The following GPHN variants were observed in gnomAD, a reference collection of about 807,000 sequenced individuals.
GPHN encodes the protein gephyrin.
GPHN carries 17 observed loss-of-function variants against 95.5 expected under a neutral mutation model. That is an observed-to-expected ratio of 0.18 (90% confidence interval 0.12 to 0.27). GPHN has a LOEUF of 0.27. GPHN is among the 10% of genes least tolerant of loss of function. GPHN has a pLI of 1.00. For missense variants in GPHN, 660 were observed against 978.1 expected, an observed-to-expected ratio of 0.67 and a Z score of 4.34; for synonymous variants, 320 against 322.5, an observed-to-expected ratio of 0.99 and a Z score of 0.08.
At chr14:66,751,434 A>G (rs531128358) in intron 2 of GPHN, among the ~76,000 whole-genome samples, 32 of 152,146 alleles carry the variant, frequency 2.1e-4, no homozygotes, top group South Asian at 2.1e-4. Context: ...CATTTCTCCA[A>G]TGATCAGTGA....
intron 13 of GPHN, among the ~76,000 whole-genome samples, chr14:67,107,442 C>T (rs190654072): frequency 6.6e-6 from 1 of 152,104 alleles, no homozygotes; most frequent in Admixed American, 6.6e-5. Context: ...GACTGAGGCA[C>T]CCCCTAGCAG....
At chr14:67,494,779 T>G in the GPHN span, among the ~76,000 whole-genome samples, 1 of 151,978 alleles carries the variant, frequency 6.6e-6, no homozygotes, top group African/African-American at 2.4e-5. Context: ...CGCCCAACAT[T>G]TGACAAGAAC....
the GPHN span, among the ~76,000 whole-genome samples, chr14:67,637,347 G>T: frequency 6.8e-6 from 1 of 146,522 alleles, no homozygotes; most frequent in Admixed American, 7.0e-5. Flanking sequence ...GGAGGTGGAG[G>T]TTGCAGTGAG....
At chr14:67,636,613 G>C in the GPHN span, among the ~76,000 whole-genome samples, 1 of 152,224 alleles carries the variant, frequency 6.6e-6, no homozygotes, top group Non-Finnish European at 1.5e-5. Context: ...CAGCCTGGTT[G>C]CATCATTCTG....
At chr14:66,955,689 T>C (rs897501636) in intron 8 of GPHN, among the ~76,000 whole-genome samples, 2 of 152,190 alleles carry the variant, frequency 1.3e-5, no homozygotes, top group Non-Finnish European at 2.9e-5. Flanking sequence ...TATCTCCTAA[T>C]GCTATCCCTC....
chr14:66,765,235 G>A (rs965725499), intron 2 of GPHN, among the ~76,000 whole-genome samples: 2 of 152,118 alleles, frequency 1.3e-5, no homozygotes, highest in Non-Finnish European at 2.9e-5. Flanking sequence ...AAATTAATTT[G>A]CCCATTGTGA....
intron 1 of GPHN, among the ~76,000 whole-genome samples, chr14:66,589,836 A>G (rs1050314619): frequency 6.6e-6 from 1 of 152,198 alleles, no homozygotes; most frequent in African/African-American, 2.4e-5. Flanking sequence ...CGGACCTAAT[A>G]GACATCTACA....
At chr14:66,709,484 T>C in intron 2 of GPHN, 2 of 446,200 alleles carry the variant, frequency 4.5e-6, no homozygotes, top group Non-Finnish European at 9.1e-6. Flanking sequence ...GTGGGTAGCC[T>C]ATACAATGTG....
At chr14:66,956,350 T>A (rs1054355280) in intron 8 of GPHN, among the ~76,000 whole-genome samples, 1 of 152,242 alleles carries the variant, frequency 6.6e-6, no homozygotes, top group Non-Finnish European at 1.5e-5. Flanking sequence ...ATTGGTTATT[T>A]AAAAATGTGT....
chr14:67,562,290 C>T, the GPHN span: 2 of 1,613,844 alleles, frequency 1.2e-6, no homozygotes, highest in Admixed American at 3.3e-5. Context: ...GCACCTTCCC[C>T]AGGTGCCCTG....
intron 4 of GPHN, among the ~76,000 whole-genome samples, chr14:66,871,049 AACCACAT>A (rs1197123908): frequency 6.6e-6 from 1 of 152,208 alleles, no homozygotes; most frequent in African/African-American, 2.4e-5. Flanking sequence ...AAAATTAATG[AACCACAT>A]CTCTTTTAGG....
chr14:67,588,773 ATGTG>A, the GPHN span: 2 of 152,576 alleles, frequency 1.3e-5, no homozygotes, highest in South Asian at 2.1e-4. Flanking sequence ...AACCCCAACA[ATGTG>A]TGTATCTTTT....
the GPHN span, among the ~76,000 whole-genome samples, chr14:67,379,171 T>C: frequency 6.6e-6 from 1 of 152,336 alleles, no homozygotes; most frequent in East Asian, 1.9e-4. Flanking sequence ...CTGTGATGAA[T>C]AGTGTATGTG....
At chr14:67,069,431 T>G (rs2076193809) in intron 11 of GPHN, among the ~76,000 whole-genome samples, 1 of 152,096 alleles carries the variant, frequency 6.6e-6, no homozygotes, top group African/African-American at 2.4e-5. Flanking sequence ...CAGCTTAAGA[T>G]AACTGCCTAT....
chr14:66,640,018 G>T (rs779416480), intron 1 of GPHN, among the ~76,000 whole-genome samples: 2 of 152,122 alleles, frequency 1.3e-5, no homozygotes, highest in Non-Finnish European at 2.9e-5. Flanking sequence ...ACATAGACTG[G>T]AGTAAAGGCA....
At chr14:67,719,035 A>G in the GPHN span, among the ~76,000 whole-genome samples, 2 of 152,242 alleles carry the variant, frequency 1.3e-5, no homozygotes, top group East Asian at 3.8e-4. Flanking sequence ...AAAGTTGGGC[A>G]TGTTCCAACA....
intron 10 of GPHN, among the ~76,000 whole-genome samples, chr14:67,028,334 C>T (rs901307090): frequency 2.0e-5 from 3 of 152,186 alleles, no homozygotes. Context: ...CATGGGGGTA[C>T]AGGCATCTCT....
intron 11 of GPHN, among the ~76,000 whole-genome samples, chr14:67,071,391 C>T (rs1339758771): frequency 1.3e-5 from 2 of 151,812 alleles, no homozygotes; most frequent in Non-Finnish European, 2.9e-5. Context: ...GGACAGAAAA[C>T]CAAACACCGC....
intron 2 of GPHN, among the ~76,000 whole-genome samples, chr14:66,752,873 G>C (rs757841609): frequency 3.4e-5 from 5 of 146,778 alleles, no homozygotes; most frequent in African/African-American, 1.3e-4. Flanking sequence ...TGAGACTAGA[G>C]ACAGGAGACC....
Sources: gnomAD v4.1 joint callset for allele counts (sites outside exome capture counted in the v4.1 genomes callset) on GRCh38, gnomAD v4.1.1 for gene constraint, MANE v1.5 for transcripts, NCBI Gene and HGNC (gene_info 2026-07-23, HGNC 2026-07-21) for gene names.